DCLK2: variants seen among roughly 807,000 people sequenced by gnomAD.
The protein encoded by DCLK2 is doublecortin like kinase 2, also known as serine/threonine-protein kinase DCLK2.
DCLK2 carries 31 observed loss-of-function variants against 78.4 expected under a neutral mutation model. That is an observed-to-expected ratio of 0.40 (90% CI 0.30 to 0.53). The LOEUF is 0.53. Among genes scored for constraint, DCLK2 ranks in the 20% least tolerant of loss-of-function variants. The pLI is 0.61. For synonymous variants in DCLK2, 407 were observed against 374.9 expected (o/e 1.09, Z -0.99); for missense variants, 872 against 973.7 (o/e 0.90, Z 1.39).
intron 2 of DCLK2, among the ~76,000 whole-genome samples, chr4:150,133,864 G>C (rs1733501914): frequency 6.6e-6 from 1 of 152,160 alleles, no homozygotes; most frequent in Admixed American, 6.5e-5. Flanking sequence ...AGAGAGTACA[G>C]TTGGGATAGG....
intron 2 of DCLK2, among the ~76,000 whole-genome samples, chr4:150,139,607 A>G (rs1733968892): frequency 6.6e-6 from 1 of 152,224 alleles, no homozygotes; most frequent in South Asian, 2.1e-4. Context: ...AGTTAATGTT[A>G]AAGTGCTTCT....
intron 2 of DCLK2, among the ~76,000 whole-genome samples, chr4:150,167,123 T>G (rs1369360446): frequency 6.6e-6 from 1 of 152,146 alleles, no homozygotes; most frequent in Non-Finnish European, 1.5e-5. Flanking sequence ...AAAGGCAGTT[T>G]AGAATGTGCT....
At chr4:150,232,645 GT>G in intron 9 of DCLK2, 36 bp from the exon 10 acceptor site, 5 of 1,606,262 alleles carry the variant, frequency 3.1e-6, no homozygotes, top group Non-Finnish European at 4.3e-6. Context: ...GGATTGCACT[GT>G]TGATGCTTTG....
rs570626141 is a variant in DCLK2 at position 150,171,742 on chromosome 4, G to A, written c.757-21396G>A. Among the ~76,000 whole-genome samples the A allele has an allele frequency of 5.9e-5, 9 of 152,222 alleles. No homozygotes were observed. In the East Asian group the frequency reaches 1.6e-3, roughly 26 times the overall value. On this transcript the variant is annotated intron_variant, in intron 2 of 15. Coordinates refer to ENST00000296550, the MANE Select transcript of DCLK2 (RefSeq NM_001040260.4). Reference sequence around the variant, plus strand: ...TTAAGAAAACCAAACATTGGCTACCGCATAAAATTTGTGCTTGGAAATAGT... The same window carrying A: ...TTAAGAAAACCAAACATTGGCTACCACATAAAATTTGTGCTTGGAAATAGT...
At chr4:150,080,757 G>A (rs924404178) in intron 1 of DCLK2, among the ~76,000 whole-genome samples, 6 of 152,220 alleles carry the variant, frequency 3.9e-5, no homozygotes, top group Admixed American at 2.0e-4. Context: ...GCCACATGGA[G>A]GAAAACTAAA....
chr4:150,246,931 A>G (rs1743364134), intron 12 of DCLK2, among the ~76,000 whole-genome samples: 1 of 152,074 alleles, frequency 6.6e-6, no homozygotes, highest in Non-Finnish European at 1.5e-5. Context: ...TTCCTCTCAG[A>G]CTGAGCTTAA....
rs555168940 is a variant in DCLK2 at position 150,242,385 on chromosome 4, T to C, written c.1778+1909T>C. Among the ~76,000 whole-genome samples the C allele has an allele frequency of 5.3e-5, 8 of 152,356 alleles. No individual in the cohort carries two copies. In the South Asian group the frequency reaches 1.7e-3, roughly 32 times the overall value. On this transcript the variant is annotated intron_variant, in intron 12 of 15. Coordinates refer to ENST00000296550, the MANE Select transcript of DCLK2 (RefSeq NM_001040260.4). ...TATTTCCATCTGGCCGTCAACATCG[T>C]GGTCTTCCACCAAAGTCATTAACTA...
intron 5 of DCLK2, among the ~76,000 whole-genome samples, chr4:150,212,102 T>G (rs534123344): frequency 3.9e-4 from 59 of 152,324 alleles, no homozygotes; most frequent in African/African-American, 1.3e-3. Context: ...TGTTTCGTGT[T>G]TTGATGCTGA....
chr4:150,140,095 T>A (rs1398836950), intron 2 of DCLK2, among the ~76,000 whole-genome samples: 1 of 152,146 alleles, frequency 6.6e-6, no homozygotes, highest in Non-Finnish European at 1.5e-5. Flanking sequence ...TGAAGGACAC[T>A]GGTATAAAGA....
Position 150,193,230 on chromosome 4 carries a change from G to C in DCLK2, c.849G>C (p.Leu283=), listed in dbSNP as rs1349878413. 2 of 1,599,288 alleles carry C rather than the reference G, an allele frequency of 1.3e-6. No individual in the cohort carries two copies. Among genetic ancestry groups the C allele is most frequent in the Non-Finnish European group, 1.7e-6 (2 of 1,168,600 alleles). ...KFRYAQDDFV[L]DHSECRVLKS... ...GTTATGCCCAAGATGACTTTGTCCT[G>C]GATCATAGTGGTAAGGCAATTCTTC... Residue 283 remains leucine (L), a synonymous_variant, in exon 3 of 16, where the codon CTG becomes CTC. Coordinates refer to ENST00000296550, the MANE Select transcript of DCLK2 (RefSeq NM_001040260.4).
intron 15 of DCLK2, chr4:150,253,832 C>T (rs1381519856): frequency 2.0e-6 from 2 of 985,366 alleles, no homozygotes; most frequent in Admixed American, 6.1e-5. Flanking sequence ...CTGTTTCCCA[C>T]TTAGGTGAAA....
At chr4:150,095,311 C>G (rs568064989) in intron 1 of DCLK2, among the ~76,000 whole-genome samples, 2 of 152,166 alleles carry the variant, frequency 1.3e-5, no homozygotes, top group Non-Finnish European at 2.9e-5. Context: ...ATGATTTTAC[C>G]GCCTATGAAG....
At chr4:150,236,384 T>C (rs1252551111) in intron 10 of DCLK2, among the ~76,000 whole-genome samples, 1 of 152,242 alleles carries the variant, frequency 6.6e-6, no homozygotes, top group African/African-American at 2.4e-5. Context: ...AGCCCCTGCC[T>C]GGCCATATGA....
rs1363266782 is a variant in DCLK2 at position 150,247,529 on chromosome 4, C to G, written c.1779-74C>G. The G allele has an allele frequency of 1.0e-5, 14 of 1,340,164 alleles. No homozygotes were observed. The East Asian group carries it at 2.3e-4, about 22-fold the overall frequency. 83.0% of individuals were successfully genotyped at this position (1,340,164 alleles called of 1,614,324 possible). A position where few individuals can be genotyped will look rare whatever the true frequency, so the allele number is the denominator to read the frequency against. On this transcript the variant is annotated intron_variant, in intron 12 of 15. Coordinates refer to ENST00000296550, the MANE Select transcript of DCLK2 (RefSeq NM_001040260.4). ...CAGAGACTGGACTCCTTTCCCCGCT[C>G]TTCCTGTGGACATTTTGTTGAAAAA...
chr4:150,167,364 G>A (rs919210437), intron 2 of DCLK2, among the ~76,000 whole-genome samples: 1 of 152,216 alleles, frequency 6.6e-6, no homozygotes, highest in African/African-American at 2.4e-5. Flanking sequence ...GAAGTTGCAG[G>A]AGGAAATAGT....
chr4:150,245,966 A>T (rs1470932184), intron 12 of DCLK2, among the ~76,000 whole-genome samples: 1 of 152,098 alleles, frequency 6.6e-6, no homozygotes, highest in Non-Finnish European at 1.5e-5. Flanking sequence ...ACGTATGTTT[A>T]TTGCGGCACT....
rs1049291212 is a variant in DCLK2 at position 150,256,392 on chromosome 4, G to A, written c.*145G>A. ...GTCCTCCGCAGGCCGCCTGGGAACCGGAGCCTGGCGTGCCGGAGCCTGGCC... is the reference window on the plus strand; with the variant it reads ...GTCCTCCGCAGGCCGCCTGGGAACCAGAGCCTGGCGTGCCGGAGCCTGGCC... On this transcript the variant is annotated 3_prime_UTR_variant, in exon 16 of 16. Transcript: ENST00000296550. 4.4e-5 allele frequency: 50 copies of A among 1,146,316 alleles called. No homozygotes were observed. The Middle Eastern group carries it at 1.5e-3, about 34-fold the overall frequency. 71.0% of individuals were successfully genotyped at this position (1,146,316 alleles called of 1,614,324 possible). A position where few individuals can be genotyped will look rare whatever the true frequency, so the allele number is the denominator to read the frequency against.
intron 5 of DCLK2, among the ~76,000 whole-genome samples, chr4:150,216,037 T>G (rs1266098995): frequency 6.6e-6 from 1 of 152,222 alleles, no homozygotes; most frequent in Non-Finnish European, 1.5e-5. Context: ...TATACTCAAG[T>G]CAACAATAAT....
intron 1 of DCLK2, among the ~76,000 whole-genome samples, 178 bp downstream of exon 1, chr4:150,079,626 ACTG>A (rs1729096503): frequency 1.3e-5 from 2 of 152,208 alleles, no homozygotes; most frequent in African/African-American, 4.8e-5. Flanking sequence ...CCACATACAC[ACTG>A]ACTTTCCTTC....
Sources: allele counts gnomAD v4.1 joint callset (sites outside exome capture counted in the v4.1 genomes callset), GRCh38; gene constraint gnomAD v4.1.1; transcripts MANE v1.5; gene names NCBI Gene and HGNC (gene_info 2026-07-23, HGNC 2026-07-21).